Variants in SRRM4 observed in about 807,000 individuals in gnomAD.
The protein encoded by SRRM4 is serine/arginine repetitive matrix 4, also known as serine/arginine repetitive matrix protein 4.
Under a neutral mutation model 68.9 loss-of-function variants are expected in SRRM4, and 33 were observed. The observed-to-expected ratio is 0.48, with a 90% confidence interval of 0.36 to 0.64. The LOEUF is 0.64. Ranked by LOEUF, SRRM4 falls within the 30% of genes least tolerant of loss-of-function variation. The pLI, the probability that SRRM4 is intolerant of heterozygous loss-of-function variation, is 0.00. For synonymous variants in SRRM4, 318 were observed against 318.8 expected, an observed-to-expected ratio of 1.00 and a Z score of 0.03; for missense variants, 817 against 827.1, an observed-to-expected ratio of 0.99 and a Z score of 0.15.
intron 7 of SRRM4, 130 bp downstream of exon 7, chr12:119,125,609 C>T (rs555045013): frequency 1.1e-4 from 82 of 725,824 alleles, no homozygotes; most frequent in Non-Finnish European, 1.7e-4. Flanking sequence ...CAGCAGCTGG[C>T]ACCACTTCCC....
rs1443384440 is a variant in SRRM4 at position 119,148,921 on chromosome 12, G to A, written c.1077-2096G>A. On this transcript the variant is annotated intron_variant, in intron 9 of 12. Coordinates refer to ENST00000267260, the MANE Select transcript of SRRM4 (RefSeq NM_194286.4). ...TCAGCTCTAAATCAAAGGAACCATA[G>A]ACACTGAAGGTAGGGAGCTGGTGAG... is the stretch of plus-strand genomic sequence containing the variant. 2.0e-5 allele frequency among the ~76,000 whole-genome samples: 3 copies of A among 152,160 alleles called. No homozygotes were observed. The East Asian group carries it at 5.8e-4, about 29-fold the overall frequency.
intron 6 of SRRM4, among the ~76,000 whole-genome samples, chr12:119,124,952 G>A (rs1038285521): frequency 6.6e-6 from 1 of 152,170 alleles, no homozygotes; most frequent in African/African-American, 2.4e-5. Flanking sequence ...AGCACCTTCT[G>A]TTTTAACTCG....
intron 1 of SRRM4, among the ~76,000 whole-genome samples, chr12:119,089,716 C>A (rs1954002656): frequency 1.3e-5 from 2 of 151,274 alleles, no homozygotes; most frequent in South Asian, 4.2e-4. Flanking sequence ...TATAGACCAC[C>A]CTCTCTATTC....
chr12:119,027,554 G>A (rs1953557240), intron 1 of SRRM4, among the ~76,000 whole-genome samples: 1 of 152,138 alleles, frequency 6.6e-6, no homozygotes, highest in African/African-American at 2.4e-5. Flanking sequence ...TGTATACCCT[G>A]CATGATGCAA....
At chr12:118,982,273 G>T (rs779669965) in intron 1 of SRRM4, among the ~76,000 whole-genome samples, 1 of 152,154 alleles carries the variant, frequency 6.6e-6, no homozygotes, top group Non-Finnish European at 1.5e-5. Flanking sequence ...GCTACCTGAG[G>T]GTGGGCGGTG....
chr12:119,016,463 A>G (rs973694698), intron 1 of SRRM4, among the ~76,000 whole-genome samples: 1 of 151,728 alleles, frequency 6.6e-6, no homozygotes, highest in South Asian at 2.1e-4. Flanking sequence ...TTAAAAAAAA[A>G]AAAAAGAAAA....
At chr12:119,138,393 G>A (rs1293460991) in intron 8 of SRRM4, among the ~76,000 whole-genome samples, 1 of 152,118 alleles carries the variant, frequency 6.6e-6, no homozygotes, top group African/African-American at 2.4e-5. Context: ...TCTGCACTTC[G>A]GGGCGCATGG....
At chr12:119,010,383 C>T (rs1953441813) in intron 1 of SRRM4, among the ~76,000 whole-genome samples, 1 of 152,168 alleles carries the variant, frequency 6.6e-6, no homozygotes, top group Non-Finnish European at 1.5e-5. Flanking sequence ...TGAATCATTG[C>T]GAACCCCACA....
At chr12:119,007,639 G>A (rs1048918405) in intron 1 of SRRM4, among the ~76,000 whole-genome samples, 3 of 152,170 alleles carry the variant, frequency 2.0e-5, no homozygotes, top group Non-Finnish European at 4.4e-5. Context: ...AGAGAATGAG[G>A]AAACAAACTC....
intron 1 of SRRM4, among the ~76,000 whole-genome samples, chr12:119,087,544 G>GT (rs1953986211): frequency 6.6e-6 from 1 of 152,150 alleles, no homozygotes. Flanking sequence ...AGGTTTCATG[G>GT]TCCCCAGAAA....
rs553013186 is a variant in SRRM4 at position 119,113,386 on chromosome 12, A to T, written c.279-892A>T. Among the ~76,000 whole-genome samples the T allele has an allele frequency of 9.1e-4, 139 of 152,344 alleles. 1 individual carries two copies. The highest frequency in any genetic ancestry group is 1.6e-3 in the Non-Finnish European group (110 of 68,030). On this transcript the variant is annotated intron_variant, in intron 2 of 12. Coordinates refer to ENST00000267260, the MANE Select transcript of SRRM4 (RefSeq NM_194286.4). ...TTGATTCAAATCCTAGCCTGGACAC[A>T]TTCTAATTGTCTAGCCATCAGCAAG...
At chr12:119,031,898 T>G (rs998420183) in intron 1 of SRRM4, among the ~76,000 whole-genome samples, 4 of 152,158 alleles carry the variant, frequency 2.6e-5, no homozygotes, top group Non-Finnish European at 5.9e-5. Flanking sequence ...TGTTTTAAAG[T>G]CTTGGTTGCA....
At chr12:119,087,284 C>T (rs1284878181) in intron 1 of SRRM4, among the ~76,000 whole-genome samples, 2 of 152,144 alleles carry the variant, frequency 1.3e-5, no homozygotes, top group African/African-American at 2.4e-5. Context: ...TCCACTGTAA[C>T]TAGTGGGAAT....
At chr12:119,092,134 G>A (rs961473677) in intron 1 of SRRM4, among the ~76,000 whole-genome samples, 23 of 152,142 alleles carry the variant, frequency 1.5e-4, no homozygotes, top group Admixed American at 2.0e-4. Context: ...CTTCTATTGA[G>A]CCATCTTCTT....
intron 1 of SRRM4, among the ~76,000 whole-genome samples, chr12:119,060,750 C>G (rs1953806873): frequency 6.6e-6 from 1 of 152,122 alleles, no homozygotes; most frequent in African/African-American, 2.4e-5. Flanking sequence ...CTGTATTTTA[C>G]ATTCCAGGCT....
chr12:119,105,675 T>C (rs1565909149), intron 2 of SRRM4, among the ~76,000 whole-genome samples: 3 of 152,204 alleles, frequency 2.0e-5, no homozygotes, highest in Non-Finnish European at 4.4e-5. Context: ...TTGTTTGATT[T>C]TTTTCTTGTA....
intron 1 of SRRM4, among the ~76,000 whole-genome samples, chr12:119,054,492 A>G (rs918057666): frequency 5.3e-4 from 80 of 152,194 alleles, no homozygotes; most frequent in African/African-American, 1.8e-3. Flanking sequence ...CAATCAGCCT[A>G]ATTCCAGTGT....
At chr12:119,030,159 G>A (rs1396369383) in intron 1 of SRRM4, among the ~76,000 whole-genome samples, 1 of 152,154 alleles carries the variant, frequency 6.6e-6, no homozygotes, top group Non-Finnish European at 1.5e-5. Context: ...CAGCACACAT[G>A]TTTTCCTCAA....
At chr12:119,028,400 C>T (rs1953562981) in intron 1 of SRRM4, among the ~76,000 whole-genome samples, 1 of 152,190 alleles carries the variant, frequency 6.6e-6, no homozygotes, top group Admixed American at 6.5e-5. Flanking sequence ...TCGTGCTAGT[C>T]TCATGATAGT....
Sources: allele counts gnomAD v4.1 joint callset (sites outside exome capture counted in the v4.1 genomes callset), GRCh38; gene constraint gnomAD v4.1.1; transcripts MANE v1.5; gene names NCBI Gene and HGNC (gene_info 2026-07-23, HGNC 2026-07-21).